The following SLC39A12 variants were observed in gnomAD, a reference collection of about 807,000 sequenced individuals.
SLC39A12 encodes the protein zinc transporter ZIP12.
SLC39A12 carries 63 observed loss-of-function variants against 71.1 expected under a neutral mutation model. The observed-to-expected ratio is 0.89, with a 90% CI of 0.72 to 1.09. The LOEUF (loss-of-function observed/expected upper bound fraction) is 1.09, where lower values mean the gene tolerates loss of function less well. Ranked by LOEUF, SLC39A12 falls within the 50% of genes least tolerant of loss-of-function variation. The pLI is 0.00. For synonymous variants in SLC39A12, 351 were observed against 301.3 expected (o/e 1.16, Z -1.71); for missense variants, 892 against 812.6 (o/e 1.10, Z -1.19).
chr10:17,986,321 G>A (rs1835395008), intron 6 of SLC39A12, among the ~76,000 whole-genome samples: 1 of 152,206 alleles, frequency 6.6e-6, no homozygotes, highest in Non-Finnish European at 1.5e-5. Context: ...GTTATTTGAA[G>A]AAAGTCTTGT....
At chr10:17,965,019 C>T (rs2130784082) in intron 3 of SLC39A12, among the ~76,000 whole-genome samples, 1 of 152,224 alleles carries the variant, frequency 6.6e-6, no homozygotes, top group South Asian at 2.1e-4. Context: ...CCAGCCTGGT[C>T]AACATGGTGA....
At chr10:17,971,141 G>C (rs1019942224) in intron 4 of SLC39A12, among the ~76,000 whole-genome samples, 3 of 151,880 alleles carry the variant, frequency 2.0e-5, no homozygotes, top group African/African-American at 4.8e-5. Flanking sequence ...TTGCATCCTA[G>C]CTAGGGCATA....
chr10:18,024,006 G>T (rs1296894810), intron 12 of SLC39A12, among the ~76,000 whole-genome samples: 1 of 152,170 alleles, frequency 6.6e-6, no homozygotes, highest in Non-Finnish European at 1.5e-5. Flanking sequence ...AGGGCAGAAG[G>T]GGTGGGGGCT....
chr10:17,998,281 A>C (rs909332153), intron 10 of SLC39A12, among the ~76,000 whole-genome samples: 1 of 136,562 alleles, frequency 7.3e-6, no homozygotes, highest in Non-Finnish European at 1.6e-5. Context: ...AAAATAGGCC[A>C]CACTGGTTTC....
At chr10:18,022,751 C>T (rs1223391340) in intron 12 of SLC39A12, among the ~76,000 whole-genome samples, 2 of 152,140 alleles carry the variant, frequency 1.3e-5, no homozygotes, top group African/African-American at 2.4e-5. Context: ...TCTTTCACAT[C>T]TGTGTGGGCT....
intron 2 of SLC39A12, among the ~76,000 whole-genome samples, chr10:17,959,611 A>G (rs1554848116): frequency 6.6e-6 from 1 of 152,108 alleles, no homozygotes; most frequent in Non-Finnish European, 1.5e-5. Context: ...GCGTTTCTCA[A>G]TGCTTTCACT....
intron 12 of SLC39A12, among the ~76,000 whole-genome samples, chr10:18,041,881 A>ATG (rs1385607378): frequency 9.4e-5 from 14 of 148,466 alleles, no homozygotes; most frequent in Admixed American, 1.4e-4. Flanking sequence ...ATGTATATAT[A>ATG]TACACACATA....
At chr10:17,990,384 T>C (rs1835512745) in intron 7 of SLC39A12, among the ~76,000 whole-genome samples, 1 of 152,218 alleles carries the variant, frequency 6.6e-6, no homozygotes, top group African/African-American at 2.4e-5. Flanking sequence ...ATATAATCTA[T>C]ACACATATAA....
chr10:17,993,080 C>T (rs912431227), intron 8 of SLC39A12, 101 bp from the exon 9 acceptor site: 2 of 705,078 alleles, frequency 2.8e-6, no homozygotes, highest in Non-Finnish European at 4.6e-6. Flanking sequence ...GTGGCAACTA[C>T]CATTTTGGCC....
chr10:17,985,136 A>G (rs1467557119), intron 6 of SLC39A12, among the ~76,000 whole-genome samples: 1 of 152,168 alleles, frequency 6.6e-6, no homozygotes, highest in East Asian at 1.9e-4. Flanking sequence ...TGAGGTCAGG[A>G]GTTCGAGACC....
At chr10:17,953,628 C>A in intron 2 of SLC39A12, 91 bp downstream of exon 2, 1 of 1,422,258 alleles carries the variant, frequency 7.0e-7, no homozygotes, top group African/African-American at 1.4e-5. Context: ...AGCAAAATCA[C>A]AGGCAAATCT....
intron 12 of SLC39A12, among the ~76,000 whole-genome samples, chr10:18,030,893 C>T (rs865897215): frequency 0.042 from 6,176 of 146,698 alleles, 294 homozygotes; most frequent in African/African-American, 0.15. Flanking sequence ...TGAGAATATG[C>T]GGTGTTTGGT....
At chr10:18,036,763 T>C (rs1837040928) in intron 12 of SLC39A12, among the ~76,000 whole-genome samples, 2 of 8,704 alleles carry the variant, frequency 2.3e-4, no homozygotes, top group Non-Finnish European at 2.9e-4. Context: ...TATATATATA[T>C]ATATATATAT....
chr10:17,967,233 T>C (rs971841004), intron 4 of SLC39A12, among the ~76,000 whole-genome samples: 2 of 152,200 alleles, frequency 1.3e-5, no homozygotes, highest in African/African-American at 4.8e-5. Flanking sequence ...CTGTGTTTCT[T>C]GTGTAGGGGC....
intron 12 of SLC39A12, among the ~76,000 whole-genome samples, chr10:18,034,940 G>A (rs1358056608): frequency 1.3e-5 from 2 of 152,056 alleles, no homozygotes; most frequent in African/African-American, 4.8e-5. Context: ...ATTCTGGATT[G>A]AAAATTCTTG....
rs538648560 is a variant in SLC39A12 at position 17,983,132 on chromosome 10, G to A, written c.1096+1649G>A. On this transcript the variant is annotated intron_variant, in intron 6 of 12. Coordinates refer to ENST00000377369, the MANE Select transcript of SLC39A12 (RefSeq NM_001145195.2). Reference sequence around the variant, plus strand: ...GCAGTGAGCCGAGGTCAGCACCACTGCACTCCAGCCTGGGCGACAAAGCGA... The same window carrying A: ...GCAGTGAGCCGAGGTCAGCACCACTACACTCCAGCCTGGGCGACAAAGCGA... Among the ~76,000 whole-genome samples, 7 of 120,966 alleles carry A rather than the reference G, an allele frequency of 5.8e-5. No individual in the cohort carries two copies. The Admixed American group carries it at 7.7e-4, about 13-fold the overall frequency. 79.4% of individuals were successfully genotyped at this position (120,966 alleles called of 152,430 possible).
chr10:17,972,500 A>T lies in SLC39A12; in HGVS notation c.752-5402A>T, dbSNP rs561993170. ...CTGTAGCTCTAACAATATTTGCTTT[A>T]TGTATCTGGGTGCTCCAGTGTTGAG... On this transcript the variant is annotated intron_variant, in intron 4 of 12. Coordinates refer to ENST00000377369, the MANE Select transcript of SLC39A12 (RefSeq NM_001145195.2). Among the ~76,000 whole-genome samples, 8 of 152,264 alleles carry T rather than the reference A, an allele frequency of 5.3e-5. No homozygotes were observed. In the South Asian group the frequency reaches 1.2e-3, roughly 24 times the overall value.
chr10:18,030,240 A>G (rs562373938), intron 12 of SLC39A12, among the ~76,000 whole-genome samples: 10 of 151,672 alleles, frequency 6.6e-5, no homozygotes, highest in Non-Finnish European at 1.0e-4. Flanking sequence ...GCCCATATCT[A>G]TGAGCTTGCA....
intron 12 of SLC39A12, among the ~76,000 whole-genome samples, chr10:18,020,462 A>G (rs1836504500): frequency 6.6e-6 from 1 of 151,982 alleles, no homozygotes. Context: ...AGAATGATTT[A>G]TATTCTTTTG....
Sources: allele counts gnomAD v4.1 joint callset (sites outside exome capture counted in the v4.1 genomes callset), GRCh38; gene constraint gnomAD v4.1.1; transcripts MANE v1.5; gene names NCBI Gene and HGNC (gene_info 2026-07-23, HGNC 2026-07-21).